RANBP9: variants seen among roughly 807,000 people sequenced by gnomAD.
The protein encoded by RANBP9 is RAN binding protein 9.
Under a neutral mutation model 84.3 loss-of-function variants are expected in RANBP9, and 15 were observed. The ratio of observed to expected loss-of-function variants is 0.18; its 90% CI spans 0.12 to 0.27. The LOEUF (loss-of-function observed/expected upper bound fraction) is 0.27. Among genes scored for constraint, RANBP9 ranks in the 10% least tolerant of loss-of-function variants. The pLI is 1.00. For missense variants in RANBP9, 809 were observed against 912.8 expected, an observed-to-expected ratio of 0.89 and a Z score of 1.46; for synonymous variants, 392 against 349.6, an observed-to-expected ratio of 1.12 and a Z score of -1.35.
rs35401168 is a variant in RANBP9 at position 13,627,630 on chromosome 6, C to CAAAAAAAAAAAAA, written c.1948-1879_1948-1867dup. On this transcript the variant is annotated intron_variant, in intron 12 of 13. Transcript: ENST00000011619. ...GGACGACAGAGAGAGACTCCATCTCCAAAAAAAAAAAAAAAAAAAAAAAAT... is the reference window on the plus strand; with the variant it reads ...GGACGACAGAGAGAGACTCCATCTCCAAAAAAAAAAAAAAAAAAAAAAAAAAAAAAAAAAAAAT... 6.6e-3 allele frequency among the ~76,000 whole-genome samples: 436 copies of CAAAAAAAAAAAAA among 66,374 alleles called. 8 individuals carry two copies. The highest frequency in any genetic ancestry group is 0.014 in the South Asian group (21 of 1,550). 43.5% of individuals were successfully genotyped at this position (66,374 alleles called of 152,430 possible).
intron 2 of RANBP9, among the ~76,000 whole-genome samples, chr6:13,685,450 G>A (rs1766150552): frequency 6.6e-6 from 1 of 152,140 alleles, no homozygotes; most frequent in East Asian, 1.9e-4. Flanking sequence ...ATACATCTCT[G>A]TAGTCCTAGC....
intron 13 of RANBP9, 31 bp from the exon 14 acceptor site, chr6:13,622,523 G>A (rs746734235): frequency 6.6e-7 from 1 of 1,523,632 alleles, no homozygotes; most frequent in South Asian, 1.3e-5. Flanking sequence ...AATGAGAACA[G>A]CAATTAGCAA....
intron 1 of RANBP9, among the ~76,000 whole-genome samples, chr6:13,708,490 G>A (rs1339828740): frequency 6.6e-6 from 1 of 151,942 alleles, no homozygotes; most frequent in African/African-American, 2.4e-5. Flanking sequence ...GCAAAAGAAA[G>A]CAAAATACTT....
chr6:13,683,265 A>G (rs935208129), intron 2 of RANBP9, among the ~76,000 whole-genome samples: 1 of 152,234 alleles, frequency 6.6e-6, no homozygotes, highest in Non-Finnish European at 1.5e-5. Context: ...AAGTGATTCC[A>G]GCAATAGGCA....
At chr6:13,632,936 A>G (rs1170137792) in intron 11 of RANBP9, among the ~76,000 whole-genome samples, 1 of 152,264 alleles carries the variant, frequency 6.6e-6, no homozygotes, top group African/African-American at 2.4e-5. Flanking sequence ...GAAAGCTAAG[A>G]AAAGCTAAAT....
In RANBP9 at chr6:13,658,939, C is replaced by T. The variant is rs1240656380; in HGVS notation, c.684-107G>A. The T allele has an allele frequency of 3.7e-6, 4 of 1,091,116 alleles. No individual in the cohort carries two copies. In the Admixed American group the frequency reaches 5.9e-5, roughly 16 times the overall value. 67.6% of individuals were successfully genotyped at this position (1,091,116 alleles called of 1,614,324 possible). On this transcript the variant is annotated intron_variant, in intron 2 of 13. Transcript: ENST00000011619. ...TATCAGAACCAAGCCCAAGTTGGAA[C>T]TCCTAAGGTAGCAACAAAAATTTTA...
rs1435256670 is a variant in RANBP9, at chr6:13,639,444, C to G, written c.1525+119G>C. 8.7e-5 allele frequency: 98 copies of G among 1,127,584 alleles called. No homozygotes were observed. In the Admixed American group the frequency reaches 2.5e-3, roughly 29 times the overall value. The allele number at this position is 1,127,584 out of a possible 1,614,324, so 69.8% of individuals were successfully genotyped here. On this transcript the variant is annotated intron_variant, in intron 9 of 13. Transcript: ENST00000011619. ...CCGCCCACCCTGGCCTCCCAAAGTG[C>G]TGGGATTACAAGCGTGAGCCACCGT...
At position 13,632,541 on chromosome 6, in the gene RANBP9, G is replaced by C. The variant is rs777444451; in HGVS notation, c.1796-20C>G. ...CAACTTCTGTAAGAAAAACAGACAA[G>C]TATTTTACTACCTTATGGAATGGAG... On this transcript the variant is annotated intron_variant, in intron 11 of 13. Coordinates refer to ENST00000011619, the MANE Select transcript of RANBP9 (RefSeq NM_005493.3). 1 of 1,599,252 alleles carries C rather than the reference G, an allele frequency of 6.3e-7. No individual in the cohort carries two copies.
chr6:13,636,457 G>A (rs903240320), intron 10 of RANBP9, among the ~76,000 whole-genome samples: 6 of 152,112 alleles, frequency 3.9e-5, no homozygotes, highest in Admixed American at 6.5e-5. Context: ...AGACCCTTCC[G>A]TTAAGCTTGC....
In RANBP9 at chr6:13,686,233, T is replaced by C. The variant is rs566712651; in HGVS notation, c.683+10552A>G. Among the ~76,000 whole-genome samples, 5 of 151,166 alleles carry C rather than the reference T, an allele frequency of 3.3e-5. No homozygotes were observed. In the South Asian group the frequency reaches 1.1e-3, roughly 32 times the overall value. On this transcript the variant is annotated intron_variant, in intron 2 of 13. Coordinates refer to ENST00000011619, the MANE Select transcript of RANBP9 (RefSeq NM_005493.3). ...GATCTTCCTGGCTCAGCCTCTCATA[T>C]AGCTGGGACCACAGGTGCATGCCAC...
chr6:13,643,910 C>T (rs533213959), intron 6 of RANBP9, among the ~76,000 whole-genome samples: 62 of 152,180 alleles, frequency 4.1e-4, no homozygotes, highest in Non-Finnish European at 7.2e-4. Context: ...AAAATACCCC[C>T]AACATTTTAT....
chr6:13,679,191 C>T (rs1765970438), intron 2 of RANBP9, among the ~76,000 whole-genome samples: 1 of 152,158 alleles, frequency 6.6e-6, no homozygotes, highest in Non-Finnish European at 1.5e-5. Flanking sequence ...TCTTTCTTGC[C>T]TTCGGAAAGT....
intron 2 of RANBP9, among the ~76,000 whole-genome samples, chr6:13,668,153 C>T (rs1765693598): frequency 6.6e-6 from 1 of 151,972 alleles, no homozygotes; most frequent in Admixed American, 6.6e-5. Context: ...CATAAGAAAA[C>T]AATTATTAAA....
At chr6:13,639,342 C>T (rs1765010089) in intron 9 of RANBP9, among the ~76,000 whole-genome samples, 1 of 152,090 alleles carries the variant, frequency 6.6e-6, no homozygotes, top group Admixed American at 6.6e-5. Flanking sequence ...CCATGCCCAG[C>T]TGATTTTTGT....
intron 2 of RANBP9, among the ~76,000 whole-genome samples, chr6:13,683,101 T>A (rs1417411893): frequency 6.6e-6 from 1 of 152,196 alleles, no homozygotes; most frequent in Non-Finnish European, 1.5e-5. Flanking sequence ...ACCAGTCTGT[T>A]TTTCCATCTG....
intron 1 of RANBP9, among the ~76,000 whole-genome samples, chr6:13,701,292 G>C (rs907696491): frequency 1.3e-5 from 2 of 152,206 alleles, no homozygotes; most frequent in East Asian, 3.9e-4. Flanking sequence ...AAAATCTTAT[G>C]AACAGCCACT....
chr6:13,653,251 G>A (rs148050882), intron 4 of RANBP9, among the ~76,000 whole-genome samples: 33 of 152,124 alleles, frequency 2.2e-4, no homozygotes, highest in Non-Finnish European at 3.4e-4. Context: ...AAGGATGAAC[G>A]ATTTTGCACA....
In RANBP9 at chr6:13,622,419, C is replaced by T; in HGVS notation, c.2133G>A (p.Met711Ile). The T allele has an allele frequency of 6.2e-7, 1 of 1,602,104 alleles. No individual in the cohort carries two copies. Among genetic ancestry groups the T allele is most frequent in the African/African-American group, 1.3e-5 (1 of 74,614 alleles). ...CGCAGGATCCAATTCCTGATCGAGC[C>T]ATCAGTCCTAGACATTGTGTGGCCT... The part of the protein sequence containing the change: ...MGQATQCLGL[M>I]ARSGIGSCAF... Residue 711 changes from methionine (M) to isoleucine (I), a missense_variant, in exon 14 of 14, where the codon ATG (methionine) becomes ATA (isoleucine). By Grantham distance (10) the Met-to-Ile change is conservative. Around this residue, in one of 5 missense-constraint regions of RANBP9, gnomAD observed 233 missense variants for 234.4 expected, o/e 0.99. Coordinates refer to ENST00000011619, the MANE Select transcript of RANBP9 (RefSeq NM_005493.3).
chr6:13,630,348 C>G (rs1458952612), intron 12 of RANBP9, among the ~76,000 whole-genome samples: 1 of 152,050 alleles, frequency 6.6e-6, no homozygotes, highest in East Asian at 1.9e-4. Flanking sequence ...TGAGAATTGG[C>G]CATATAATGC....
Sources: gnomAD v4.1 joint callset for allele counts (sites outside exome capture counted in the v4.1 genomes callset) on GRCh38, gnomAD v4.1.1 for gene constraint, gnomAD v4.1.1 regional missense constraint, MANE v1.5 for transcripts, NCBI Gene and HGNC (gene_info 2026-07-23, HGNC 2026-07-21) for gene names.